Variants in ARMC6 observed in about 807,000 individuals in gnomAD.
The protein encoded by ARMC6 is armadillo repeat-containing protein 6.
Under a neutral mutation model 49.2 loss-of-function variants are expected in ARMC6, and 43 were observed. The ratio of observed to expected loss-of-function variants is 0.87; its 90% confidence interval spans 0.69 to 1.13. The LOEUF (loss-of-function observed/expected upper bound fraction) is 1.13, where lower values mean the gene tolerates loss of function less well. ARMC6 is among the 50% of genes most tolerant of loss of function. The pLI is 0.00. For synonymous variants in ARMC6, 262 were observed against 289.6 expected, an observed-to-expected ratio of 0.90 and a Z score of 0.97; for missense variants, 627 against 682.0, an observed-to-expected ratio of 0.92 and a Z score of 0.90.
chr19:19,042,619 A>T, intron 2 of ARMC6, 92 bp from the exon 3 acceptor site: 1 of 1,348,748 alleles, frequency 7.4e-7, no homozygotes, highest in Non-Finnish European at 1.0e-6. Context: ...GGTCGCTGGT[A>T]GATGCTTCCT....
intron 5 of ARMC6, 148 bp downstream of exon 5, chr19:19,052,343 C>T (rs1410939905): frequency 1.3e-6 from 1 of 743,576 alleles, no homozygotes. Context: ...CATGGCAGCC[C>T]TCGTGAAGAG....
intron 2 of ARMC6, among the ~76,000 whole-genome samples, chr19:19,040,156 G>A (rs546278263): frequency 2.6e-5 from 4 of 152,246 alleles, no homozygotes; most frequent in African/African-American, 4.8e-5. Context: ...ATTTTGGCAC[G>A]ATGACTTCAC....
intron 4 of ARMC6, among the ~76,000 whole-genome samples, chr19:19,050,846 T>A (rs2059489801): frequency 6.6e-6 from 1 of 152,254 alleles, no homozygotes; most frequent in Non-Finnish European, 1.5e-5. Flanking sequence ...AGAACCACCC[T>A]GATTCAGTCT....
intron 4 of ARMC6, among the ~76,000 whole-genome samples, chr19:19,051,373 C>CTGTGTGTG (rs1279966843): frequency 2.0e-4 from 23 of 115,160 alleles, no homozygotes; most frequent in African/African-American, 3.4e-4. Context: ...CTCTCTCTCT[C>CTGTGTGTG]TCTGTGTGTG....
rs962669355 is a variant in ARMC6 at position 19,057,684 on chromosome 19, G to T, written c.*56G>T. The T allele has an allele frequency of 6.5e-7, 1 of 1,536,566 alleles. No individual in the cohort carries two copies. On this transcript the variant is annotated 3_prime_UTR_variant, in exon 9 of 9. Coordinates refer to ENST00000535612, the MANE Select transcript of ARMC6 (RefSeq NM_001199196.2). ...GTGAGTCGTGTGACTCAGGAATGGG[G>T]GTAGATCCATGTCCTCCACTGTCCC...
rs867684544 is a variant in ARMC6, at chr19:19,057,875, G to A, written c.*247G>A. ...CCAGCAGCACGGATGTTACTGTCCTGCTCCTTCCCCCAGCCCCACGCCCTA... is the reference window on the plus strand; with the variant it reads ...CCAGCAGCACGGATGTTACTGTCCTACTCCTTCCCCCAGCCCCACGCCCTA... On this transcript the variant is annotated 3_prime_UTR_variant, in exon 9 of 9. Transcript: ENST00000535612. 2 of 650,532 alleles carry A rather than the reference G, an allele frequency of 3.1e-6. No individual in the cohort carries two copies. The highest frequency in any genetic ancestry group is 1.8e-5 in the African/African-American group (1 of 56,224). 40.3% of individuals were successfully genotyped at this position (650,532 alleles called of 1,614,324 possible). A position where few individuals can be genotyped will look rare whatever the true frequency, so the allele number is the denominator to read the frequency against.
At chr19:19,039,363 C>A in intron 2 of ARMC6, 1 of 453,460 alleles carries the variant, frequency 2.2e-6, no homozygotes, top group Non-Finnish European at 4.4e-6. Flanking sequence ...TCTCAAACTC[C>A]AGACTTGAAA....
Position 19,055,246 on chromosome 19 carries a change from G to C in ARMC6, c.1024-19G>C, listed in dbSNP as rs372718033. On this transcript the variant is annotated intron_variant, in intron 6 of 8. Transcript: ENST00000535612. The surrounding 1 kb of genome is among the most constrained non-coding windows in gnomAD (Gnocchi z 5.7). ...ACCAGCGGCCTGGCTGGAGGTGAGC[G>C]GGCCTTTCCCTTGTGCAGGAGCTCG... 1 of 1,570,924 alleles carries C rather than the reference G, an allele frequency of 6.4e-7. No homozygotes were observed. Among genetic ancestry groups the C allele is most frequent in the African/African-American group, 1.4e-5 (1 of 73,558 alleles).
chr19:19,055,686 C>A lies in ARMC6; in HGVS notation c.1156-105C>A. The A allele has an allele frequency of 1.2e-5, 17 of 1,458,664 alleles. No individual in the cohort carries two copies. Among genetic ancestry groups the A allele is most frequent in the Non-Finnish European group, 1.5e-5 (16 of 1,092,036 alleles). 90.4% of individuals were successfully genotyped at this position (1,458,664 alleles called of 1,614,324 possible). A position where few individuals can be genotyped will look rare whatever the true frequency, so the allele number is the denominator to read the frequency against. On this transcript the variant is annotated intron_variant, in intron 7 of 8. Coordinates refer to ENST00000535612, the MANE Select transcript of ARMC6 (RefSeq NM_001199196.2). The surrounding 1 kb of genome is among the most constrained non-coding windows in gnomAD (Gnocchi z 5.7). ...TTACACAGGAGTTGCCAGAGACCCACGGAGGGGAGGCCGCAGGGTGTTCAC... is the reference window on the plus strand; with the variant it reads ...TTACACAGGAGTTGCCAGAGACCCAAGGAGGGGAGGCCGCAGGGTGTTCAC...
chr19:19,041,697 T>C (rs1213320486), intron 2 of ARMC6, among the ~76,000 whole-genome samples: 1 of 152,170 alleles, frequency 6.6e-6, no homozygotes, highest in African/African-American at 2.4e-5. Context: ...GGTACATAAA[T>C]GATACAAATA....
intron 2 of ARMC6, chr19:19,040,596 C>T (rs889290154): frequency 1.2e-5 from 3 of 246,644 alleles, no homozygotes; most frequent in Non-Finnish European, 2.5e-5. Context: ...GGATTCTTGG[C>T]CAGTTTTCAG....
Position 19,049,059 on chromosome 19 carries a change from ATT to A in ARMC6, c.280-2543_280-2542del, listed in dbSNP as rs67876712. Among the ~76,000 whole-genome samples, 433 of 124,860 alleles carry A rather than the reference ATT, an allele frequency of 3.5e-3. 2 individuals carry two copies. The highest frequency in any genetic ancestry group is 0.016 in the Middle Eastern group (4 of 250). 81.9% of individuals were successfully genotyped at this position (124,860 alleles called of 152,430 possible). The stretch of plus-strand genomic sequence containing the variant: ...GTCCTTAGTATGGATGAGGACTTAG[ATT>A]TTTTTTTTTTTTTTTTTTTGAGACA... On this transcript the variant is annotated intron_variant, in intron 4 of 8. Transcript: ENST00000535612.
At chr19:19,052,244 G>A (rs2145874261) in intron 5 of ARMC6, 49 bp downstream of exon 5, 1 of 1,499,336 alleles carries the variant, frequency 6.7e-7, no homozygotes. Context: ...GGGCGGGTCA[G>A]ATGTGACCAG....
At chr19:19,052,305 C>T (rs1301041692) in intron 5 of ARMC6, 110 bp downstream of exon 5, 2 of 1,047,676 alleles carry the variant, frequency 1.9e-6, no homozygotes, top group Non-Finnish European at 2.7e-6. Context: ...CTCAAGGCTC[C>T]ACTCGCCCCT....
At position 19,034,119 on chromosome 19, in the gene ARMC6, T is replaced by G. The variant is rs540540216; in HGVS notation, c.-79-12T>G. 1.2e-6 allele frequency: 1 copy of G among 811,286 alleles called. No homozygotes were observed. Among genetic ancestry groups the G allele is most frequent in the East Asian group, 2.7e-5 (1 of 37,492 alleles). 50.3% of individuals were successfully genotyped at this position (811,286 alleles called of 1,614,324 possible). A position where few individuals can be genotyped will look rare whatever the true frequency, so the allele number is the denominator to read the frequency against. On this transcript the variant is annotated splice_polypyrimidine_tract_variant and intron_variant, in intron 1 of 8. Coordinates refer to ENST00000535612, the MANE Select transcript of ARMC6 (RefSeq NM_001199196.2). The stretch of plus-strand genomic sequence containing the variant: ...TTCGCTTTATTTTCATTCATTTTAT[T>G]TATTCATTCAGCACCTGTGCACTGA...
intron 4 of ARMC6, among the ~76,000 whole-genome samples, chr19:19,050,414 G>A (rs190598995): frequency 2.6e-5 from 4 of 152,274 alleles, no homozygotes; most frequent in Admixed American, 1.3e-4. Context: ...TGAATGCTCC[G>A]TATGTTGCCC....
At position 19,057,409 on chromosome 19, in the gene ARMC6, C is replaced by G. The variant is rs1247272398; in HGVS notation, c.1294-7C>G. On this transcript the variant is annotated splice_region_variant and splice_polypyrimidine_tract_variant and intron_variant, in intron 8 of 8. Transcript: ENST00000535612. ...ATCTGGCAGCTCACAGCTGCTCTCT[C>G]CTACAGAAACAGGCTTGCATGCTGA... The G allele has an allele frequency of 7.4e-6, 12 of 1,611,540 alleles. No individual in the cohort carries two copies. The highest frequency in any genetic ancestry group is 1.1e-5 in the South Asian group (1 of 90,826).
chr19:19,045,038 TCTCA>T, intron 4 of ARMC6, among the ~76,000 whole-genome samples: 1 of 152,088 alleles, frequency 6.6e-6, no homozygotes, highest in Non-Finnish European at 1.5e-5. Flanking sequence ...TGAGACAGAG[TCTCA>T]CTCTGTTGCC....
In ARMC6 at chr19:19,051,769, G is replaced by A. The variant is rs1220626800; in HGVS notation, c.427G>A (p.Ala143Thr). Reference protein sequence around the residue: ...QKGAYPIIFTAWKLATAGDQG... With the variant: ...QKGAYPIIFTTWKLATAGDQG... The stretch of plus-strand genomic sequence containing the variant: ...GGGGGCCTACCCCATCATCTTCACT[G>A]CCTGGAAGCTGGCCACTGCAGGTGA... The change falls in exon 5 of 9, where the codon GCC becomes ACC. Residue 143 changes from alanine (A) to threonine (T), a missense_variant. Transcript: ENST00000535612. 5 of 1,614,020 alleles carry A rather than the reference G, an allele frequency of 3.1e-6. No individual in the cohort carries two copies. The Admixed American group carries it at 5.0e-5, about 16-fold the overall frequency.
Sources: allele counts gnomAD v4.1 joint callset (sites outside exome capture counted in the v4.1 genomes callset), GRCh38; gene constraint gnomAD v4.1.1; non-coding constraint Gnocchi (gnomAD v3.1); transcripts MANE v1.5; gene names NCBI Gene and HGNC (gene_info 2026-07-23, HGNC 2026-07-21).